Variants in COX10 observed in about 807,000 individuals in gnomAD.
COX10 encodes the protein protoheme IX farnesyltransferase, mitochondrial.
COX10 carries 27 observed loss-of-function variants against 37.3 expected under a neutral mutation model. The ratio of observed to expected loss-of-function variants is 0.72; its 90% confidence interval spans 0.53 to 1.00. COX10 has a LOEUF of 1.00. COX10 is among the 50% of genes least tolerant of loss of function. The pLI is 0.00. For missense variants in COX10, 475 were observed against 563.2 expected (o/e 0.84, Z 1.59); for synonymous variants, 222 against 229.1 (o/e 0.97, Z 0.28).
intron 5 of COX10, among the ~76,000 whole-genome samples, chr17:14,190,634 G>A (rs1451082343): frequency 1.3e-5 from 2 of 152,070 alleles, no homozygotes; most frequent in African/African-American, 2.4e-5. Context: ...TAGCAGAGTG[G>A]TAGAGTGGTG....
chr17:14,161,126 T>C (rs1224050215), intron 5 of COX10, among the ~76,000 whole-genome samples: 1 of 152,216 alleles, frequency 6.6e-6, no homozygotes, highest in Non-Finnish European at 1.5e-5. Context: ...CTCATCATTT[T>C]AAACAGCCCA....
chr17:14,146,521 T>C (rs886307983), intron 4 of COX10, among the ~76,000 whole-genome samples: 1 of 152,142 alleles, frequency 6.6e-6, no homozygotes, highest in Admixed American at 6.6e-5. Flanking sequence ...GACTTAAATC[T>C]AAGACCTCAA....
chr17:14,176,107 G>T (rs1054948134), intron 5 of COX10, among the ~76,000 whole-genome samples: 1 of 152,200 alleles, frequency 6.6e-6, no homozygotes, highest in Admixed American at 6.5e-5. Context: ...GGCATGACTT[G>T]ATGATAGCTT....
chr17:14,125,047 G>T (rs562110191), intron 4 of COX10, among the ~76,000 whole-genome samples: 1 of 152,156 alleles, frequency 6.6e-6, no homozygotes, highest in Admixed American at 6.6e-5. Flanking sequence ...TGAGATGCTG[G>T]TTGGGTTCCT....
At chr17:14,189,078 TC>T (rs1906122634) in intron 5 of COX10, among the ~76,000 whole-genome samples, 1 of 85,566 alleles carries the variant, frequency 1.2e-5, no homozygotes, top group Admixed American at 1.3e-4. Flanking sequence ...TTCATTTTCT[TC>T]TTTTTTTTTT....
chr17:14,159,987 A>G (rs1285341284), intron 5 of COX10, 40 bp downstream of exon 5: 1 of 1,546,706 alleles, frequency 6.5e-7, no homozygotes, highest in Non-Finnish European at 8.9e-7. Flanking sequence ...ATTATAAAAC[A>G]TTCATTTGCT....
rs1253609140 is a variant in COX10 at position 14,077,022 on chromosome 17, A to G, written c.465A>G (p.Gly155=). The change falls in exon 3 of 7, where the codon GGA becomes GGG. Residue 155 remains glycine, a synonymous_variant. Transcript: ENST00000261643. The part of the protein sequence containing the change: ...EMKLQVYDLP[G]ILARLSKIKL... ...AGCTGCAAGTGTATGATTTGCCAGG[A>G]ATTTTGGCTCGACTATCCAAAATCA... 6.2e-7 allele frequency: 1 copy of G among 1,614,154 alleles called. No individual in the cohort carries two copies. Among genetic ancestry groups the G allele is most frequent in the South Asian group, 1.1e-5 (1 of 91,068 alleles).
At chr17:14,097,917 T>G (rs1335957056) in intron 3 of COX10, among the ~76,000 whole-genome samples, 1 of 152,152 alleles carries the variant, frequency 6.6e-6, no homozygotes, top group Non-Finnish European at 1.5e-5. Flanking sequence ...TAATGCAATG[T>G]AAATGCTATG....
At chr17:14,070,203 C>T (rs940335466) in intron 1 of COX10, among the ~76,000 whole-genome samples, 1 of 152,156 alleles carries the variant, frequency 6.6e-6, no homozygotes, top group East Asian at 1.9e-4. Flanking sequence ...TATATTGGAG[C>T]TGGAATGTTC....
intron 4 of COX10, among the ~76,000 whole-genome samples, chr17:14,104,052 C>G (rs1486589261): frequency 1.3e-5 from 2 of 152,130 alleles, no homozygotes; most frequent in Non-Finnish European, 2.9e-5. Context: ...TCATGTTCCT[C>G]CATGTGTCAC....
At chr17:14,109,601 C>T (rs138449588) in intron 4 of COX10, among the ~76,000 whole-genome samples, 4 of 152,264 alleles carry the variant, frequency 2.6e-5, no homozygotes, top group East Asian at 1.9e-4. Context: ...ATTGATCACA[C>T]GTGTTTGAAA....
intron 3 of COX10, among the ~76,000 whole-genome samples, chr17:14,087,204 G>C (rs1056673222): frequency 1.3e-5 from 2 of 152,184 alleles, no homozygotes; most frequent in African/African-American, 4.8e-5. Flanking sequence ...TACTCTTCAG[G>C]AGGAGTTTAT....
intron 3 of COX10, among the ~76,000 whole-genome samples, chr17:14,082,823 A>G (rs1404085781): frequency 1.3e-5 from 2 of 152,320 alleles, no homozygotes; most frequent in East Asian, 1.9e-4. Flanking sequence ...CCAGTGATTC[A>G]GTTCCCCTAG....
chr17:14,113,264 C>A (rs1190655495), intron 4 of COX10, among the ~76,000 whole-genome samples: 2 of 152,038 alleles, frequency 1.3e-5, no homozygotes, highest in African/African-American at 4.8e-5. Flanking sequence ...CAAAAATCAG[C>A]CCATGCATTT....
Position 14,086,775 on chromosome 17 carries a change from C to G in COX10, c.499+9719C>G, listed in dbSNP as rs140558230. Among the ~76,000 whole-genome samples the G allele has an allele frequency of 4.0e-3, 602 of 152,162 alleles. 5 individuals carry two copies. The highest frequency in any genetic ancestry group is 0.014 in the African/African-American group (576 of 41,516). The stretch of plus-strand genomic sequence containing the variant: ...CTTTCTTCCCTAATTGGTATATCTT[C>G]CTCATACTTCCTCATCAATACAATT... On this transcript the variant is annotated intron_variant, in intron 3 of 6. Transcript: ENST00000261643.
At chr17:14,182,290 A>G in intron 5 of COX10, 1 of 785,246 alleles carries the variant, frequency 1.3e-6, no homozygotes, top group Non-Finnish European at 1.5e-6. Context: ...AAATAAATAA[A>G]TAAATAAATA....
intron 5 of COX10, among the ~76,000 whole-genome samples, chr17:14,168,255 AT>A (rs1462239383): frequency 6.6e-6 from 1 of 152,252 alleles, no homozygotes; most frequent in Non-Finnish European, 1.5e-5. Context: ...GGGCACACTG[AT>A]GCAAGGTTGG....
chr17:14,194,094 G>C (rs1166535716), intron 6 of COX10, among the ~76,000 whole-genome samples: 1 of 151,812 alleles, frequency 6.6e-6, no homozygotes, highest in Non-Finnish European at 1.5e-5. Flanking sequence ...GACAGGGCCA[G>C]AGTCAGGGCC....
At chr17:14,118,772 T>A (rs1291026818) in intron 4 of COX10, among the ~76,000 whole-genome samples, 1 of 152,154 alleles carries the variant, frequency 6.6e-6, no homozygotes, top group African/African-American at 2.4e-5. Flanking sequence ...TGTTTTTGAA[T>A]GTTCATTTCT....
Sources: gnomAD v4.1 joint callset for allele counts (sites outside exome capture counted in the v4.1 genomes callset) on GRCh38, gnomAD v4.1.1 for gene constraint, MANE v1.5 for transcripts, NCBI Gene and HGNC (gene_info 2026-07-23, HGNC 2026-07-21) for gene names.